The following DIS3L2 variants were observed in gnomAD, a reference collection of about 807,000 sequenced individuals.
The protein encoded by DIS3L2 is DIS3-like exonuclease 2.
DIS3L2 carries 34 observed loss-of-function variants against 97.5 expected under a neutral mutation model. That is an observed-to-expected ratio of 0.35 (90% CI 0.27 to 0.46). DIS3L2 has a LOEUF of 0.46. Ranked by LOEUF, DIS3L2 falls within the 20% of genes least tolerant of loss-of-function variation. The pLI is 1.00. For missense variants in DIS3L2, 1,038 were observed against 1,146.0 expected (o/e 0.91, Z 1.36); for synonymous variants, 435 against 445.2 (o/e 0.98, Z 0.29).
intron 7 of DIS3L2, among the ~76,000 whole-genome samples, chr2:232,136,263 A>G (rs751765739): frequency 6.6e-6 from 1 of 152,170 alleles, no homozygotes; most frequent in African/African-American, 2.4e-5. Flanking sequence ...TGTATTGCAT[A>G]ATTTTTCTTG....
chr2:232,009,282 C>T (rs1385521447), intron 1 of DIS3L2, among the ~76,000 whole-genome samples: 1 of 152,114 alleles, frequency 6.6e-6, no homozygotes, highest in Admixed American at 6.5e-5. Flanking sequence ...CTTTGCATAT[C>T]TTATGAAAAC....
chr2:232,231,822 AT>A (rs891607402), intron 10 of DIS3L2, among the ~76,000 whole-genome samples: 3 of 152,230 alleles, frequency 2.0e-5, no homozygotes, highest in African/African-American at 7.2e-5. Flanking sequence ...TTCCCTGCCC[AT>A]CATGCTGATT....
intron 5 of DIS3L2, among the ~76,000 whole-genome samples, chr2:232,084,600 A>G (rs1047583181): frequency 9.2e-5 from 14 of 152,218 alleles, no homozygotes; most frequent in South Asian, 4.1e-4. Flanking sequence ...TGGCCTGGCC[A>G]GTAGAACTTT....
chr2:232,270,615 G>A (rs956967524), intron 13 of DIS3L2, among the ~76,000 whole-genome samples: 3 of 152,126 alleles, frequency 2.0e-5, no homozygotes, highest in East Asian at 3.9e-4. Context: ...ATCTGTGTTC[G>A]TAAATCTTTG....
chr2:231,969,257 A>G (rs1420507198), intron 1 of DIS3L2, among the ~76,000 whole-genome samples: 1 of 151,652 alleles, frequency 6.6e-6, no homozygotes, highest in African/African-American at 2.4e-5. Context: ...TTTTTACATT[A>G]ATCTTCTCCA....
intron 8 of DIS3L2, among the ~76,000 whole-genome samples, chr2:232,157,926 G>A (rs1371703587): frequency 6.6e-6 from 1 of 152,198 alleles, no homozygotes; most frequent in Non-Finnish European, 1.5e-5. Flanking sequence ...GCCTTTCACT[G>A]TGCACTCTCA....
intron 1 of DIS3L2, among the ~76,000 whole-genome samples, chr2:232,011,977 T>C (rs181785972): frequency 6.6e-6 from 1 of 152,338 alleles, no homozygotes; most frequent in East Asian, 1.9e-4. Flanking sequence ...CTACTTAGCA[T>C]TTTATATACT....
chr2:232,062,473 A>G (rs1294866495), intron 5 of DIS3L2, among the ~76,000 whole-genome samples: 2 of 152,190 alleles, frequency 1.3e-5, no homozygotes, highest in African/African-American at 4.8e-5. Context: ...TATTTATTGA[A>G]GAGTAATGTA....
At chr2:232,233,422 C>T (rs2106246730) in intron 10 of DIS3L2, among the ~76,000 whole-genome samples, 1 of 152,336 alleles carries the variant, frequency 6.6e-6, no homozygotes, top group East Asian at 1.9e-4. Context: ...GAGGGATCTA[C>T]CTCTGAGGCC....
At chr2:232,287,769 T>A (rs76788222) in intron 13 of DIS3L2, among the ~76,000 whole-genome samples, 1 of 152,056 alleles carries the variant, frequency 6.6e-6, no homozygotes, top group Non-Finnish European at 1.5e-5. Flanking sequence ...AACAGTAAAC[T>A]TTTGTCTGTA....
chr2:232,035,488 G>A (rs1694926308), intron 5 of DIS3L2, among the ~76,000 whole-genome samples: 1 of 152,126 alleles, frequency 6.6e-6, no homozygotes, highest in African/African-American at 2.4e-5. Context: ...GGGGGATTTA[G>A]CCCATTTACA....
At chr2:232,051,991 T>C (rs1197448539) in intron 5 of DIS3L2, among the ~76,000 whole-genome samples, 1 of 151,926 alleles carries the variant, frequency 6.6e-6, no homozygotes, top group Non-Finnish European at 1.5e-5. Flanking sequence ...TTCATTAATG[T>C]TTATAGTTGA....
intron 8 of DIS3L2, among the ~76,000 whole-genome samples, chr2:232,156,832 C>T (rs1690508276): frequency 6.6e-6 from 1 of 151,962 alleles, no homozygotes; most frequent in African/African-American, 2.4e-5. Flanking sequence ...CTCTAATAAA[C>T]TCTATGTGGT....
intron 1 of DIS3L2, among the ~76,000 whole-genome samples, chr2:231,993,762 C>T (rs976798272): frequency 3.7e-5 from 5 of 134,918 alleles, no homozygotes; most frequent in East Asian, 2.0e-4. Flanking sequence ...ATTCCAACTG[C>T]ATTTTTTTTT....
intron 3 of DIS3L2, among the ~76,000 whole-genome samples, chr2:232,022,164 A>C (rs2106230225): frequency 6.6e-6 from 1 of 152,274 alleles, no homozygotes; most frequent in South Asian, 2.1e-4. Context: ...GGCTATAGGA[A>C]CAACTCTGGT....
Position 231,968,182 on chromosome 2 carries a change from T to A in DIS3L2, c.-94+6417T>A, listed in dbSNP as rs895550427. Reference sequence around the variant, plus strand: ...GCATGATCTTGGCTCACTGCAAGCTTCGCCTCCCAGGTTCATACCATTCTC... The same window carrying A: ...GCATGATCTTGGCTCACTGCAAGCTACGCCTCCCAGGTTCATACCATTCTC... On this transcript the variant is annotated intron_variant, in intron 1 of 20. Transcript: ENST00000325385. Among the ~76,000 whole-genome samples, 6 of 151,726 alleles carry A rather than the reference T, an allele frequency of 4.0e-5. No homozygotes were observed. In the East Asian group the frequency reaches 1.2e-3, roughly 29 times the overall value.
rs1692830538 is a variant in DIS3L2 at position 232,232,778 on chromosome 2, T to C, written c.1205-5755T>C. Among the ~76,000 whole-genome samples, 2 of 152,052 alleles carry C rather than the reference T, an allele frequency of 1.3e-5. 1 individual carries two copies. The highest frequency in any genetic ancestry group is 4.2e-4 in the South Asian group (2 of 4,818). On this transcript the variant is annotated intron_variant, in intron 10 of 20. Coordinates refer to ENST00000325385, the MANE Select transcript of DIS3L2 (RefSeq NM_152383.5). ...AGAAGTCTAGGCTGGTGATATACAATTAGAAGACCAAAGCACAGAAATGAG... is the reference window on the plus strand; with the variant it reads ...AGAAGTCTAGGCTGGTGATATACAACTAGAAGACCAAAGCACAGAAATGAG...
intron 9 of DIS3L2, among the ~76,000 whole-genome samples, chr2:232,170,175 G>A (rs1031875002): frequency 6.6e-6 from 1 of 152,150 alleles, no homozygotes; most frequent in Non-Finnish European, 1.5e-5. Context: ...CTGCTTAAAG[G>A]GGGGTTGCAC....
chr2:232,158,144 G>A (rs1263047127), intron 8 of DIS3L2, among the ~76,000 whole-genome samples: 1 of 152,210 alleles, frequency 6.6e-6, no homozygotes, highest in Non-Finnish European at 1.5e-5. Context: ...AGGGCTTGAA[G>A]TTCTGCCCAC....
Sources: gnomAD v4.1 joint callset for allele counts (sites outside exome capture counted in the v4.1 genomes callset) on GRCh38, gnomAD v4.1.1 for gene constraint, MANE v1.5 for transcripts, NCBI Gene and HGNC (gene_info 2026-07-23, HGNC 2026-07-21) for gene names.